CCDC178: variants seen among roughly 807,000 people sequenced by gnomAD.
The protein encoded by CCDC178 is coiled-coil domain-containing protein 178.
Under a neutral mutation model 117.4 loss-of-function variants are expected in CCDC178, and 126 were observed. The ratio of observed to expected loss-of-function variants is 1.07; its 90% confidence interval spans 0.93 to 1.24. The LOEUF (loss-of-function observed/expected upper bound fraction) is 1.24, where lower values mean the gene tolerates loss of function less well. Among genes scored for constraint, CCDC178 ranks in the 50% most tolerant of loss-of-function variants. CCDC178 has a pLI of 0.00. For missense variants in CCDC178, 1,030 were observed against 986.9 expected, an observed-to-expected ratio of 1.04 and a Z score of -0.59; for synonymous variants, 283 against 313.4, an observed-to-expected ratio of 0.90 and a Z score of 1.02.
chr18:33,328,629 G>A (rs1287596063), intron 10 of CCDC178, among the ~76,000 whole-genome samples: 1 of 152,036 alleles, frequency 6.6e-6, no homozygotes, highest in Non-Finnish European at 1.5e-5. Context: ...AGATGTATAT[G>A]TTTATTTCTG....
At chr18:33,220,493 T>C (rs1199122991) in intron 18 of CCDC178, among the ~76,000 whole-genome samples, 5 of 151,986 alleles carry the variant, frequency 3.3e-5, no homozygotes, top group Non-Finnish European at 7.4e-5. Context: ...AGAAATTACA[T>C]GAGATTTTAC....
intron 21 of CCDC178, among the ~76,000 whole-genome samples, chr18:32,980,562 C>A (rs1199849475): frequency 2.3e-5 from 2 of 86,862 alleles, no homozygotes; most frequent in African/African-American, 9.3e-5. Flanking sequence ...CAGAACGAGA[C>A]TCCGTCTCAA....
At chr18:33,076,048 T>G (rs1247765391) in intron 21 of CCDC178, among the ~76,000 whole-genome samples, 2 of 152,248 alleles carry the variant, frequency 1.3e-5, no homozygotes, top group African/African-American at 4.8e-5. Flanking sequence ...TTATGTTCCC[T>G]TTGTAGGCAC....
intron 15 of CCDC178, among the ~76,000 whole-genome samples, chr18:33,234,496 C>T (rs112102404): frequency 1.6e-4 from 24 of 152,098 alleles, no homozygotes; most frequent in African/African-American, 4.6e-4. Context: ...ATCCTAGAAA[C>T]GTTCAGCATA....
chr18:33,148,304 A>T (rs2058297247), intron 20 of CCDC178, among the ~76,000 whole-genome samples: 1 of 152,176 alleles, frequency 6.6e-6, no homozygotes, highest in South Asian at 2.1e-4. Context: ...CGTGCCTGCA[A>T]TCCCAGGCAC....
At chr18:33,295,777 A>T (rs924630858) in intron 11 of CCDC178, among the ~76,000 whole-genome samples, 11 of 152,176 alleles carry the variant, frequency 7.2e-5, no homozygotes, top group African/African-American at 9.6e-5. Context: ...AAATTTTTTT[A>T]AAAAAATAGT....
chr18:33,314,501 A>G (rs1172713813), intron 11 of CCDC178, among the ~76,000 whole-genome samples: 1 of 152,178 alleles, frequency 6.6e-6, no homozygotes, highest in Non-Finnish European at 1.5e-5. Context: ...TAGTTCCACA[A>G]AGAAAAATAA....
intron 14 of CCDC178, among the ~76,000 whole-genome samples, chr18:33,245,727 C>T (rs1412878505): frequency 6.6e-6 from 1 of 151,858 alleles, no homozygotes; most frequent in Non-Finnish European, 1.5e-5. Flanking sequence ...TTCTATACTC[C>T]TTTCCATTTC....
intron 22 of CCDC178, among the ~76,000 whole-genome samples, chr18:32,962,047 T>C (rs1462799045): frequency 6.6e-6 from 1 of 151,924 alleles, no homozygotes; most frequent in Non-Finnish European, 1.5e-5. Context: ...CATGTTAATC[T>C]GATCATTGGC....
chr18:33,250,220 C>A (rs552334964), intron 14 of CCDC178, among the ~76,000 whole-genome samples: 2 of 151,666 alleles, frequency 1.3e-5, no homozygotes, highest in African/African-American at 4.8e-5. Context: ...ACTAAGGCAC[C>A]AGATAACTAT....
chr18:33,030,522 AAGATAGATAGATAGAT>A (rs61043322), intron 21 of CCDC178, among the ~76,000 whole-genome samples: 49 of 140,876 alleles, frequency 3.5e-4, no homozygotes, highest in African/African-American at 1.2e-3. Flanking sequence ...GAACTGATAG[AAGATAGATAGATAGAT>A]AGATAGATAG....
At chr18:33,225,579 A>G (rs1198287638) in intron 16 of CCDC178, among the ~76,000 whole-genome samples, 2 of 152,224 alleles carry the variant, frequency 1.3e-5, no homozygotes, top group Admixed American at 6.5e-5. Context: ...GTCAAAATCA[A>G]TCATTCTTAA....
chr18:33,042,126 T>C (rs1445840641), intron 21 of CCDC178, among the ~76,000 whole-genome samples: 1 of 151,894 alleles, frequency 6.6e-6, no homozygotes, highest in Non-Finnish European at 1.5e-5. Flanking sequence ...GAACAAGACA[T>C]TCACATGACA....
intron 20 of CCDC178, among the ~76,000 whole-genome samples, chr18:33,146,832 G>A (rs1198752109): frequency 6.6e-6 from 1 of 152,184 alleles, no homozygotes; most frequent in African/African-American, 2.4e-5. Context: ...CTGGGTATGA[G>A]TTCAGCAAAT....
chr18:33,392,057 G>T lies in CCDC178; in HGVS notation c.119-2428C>A, dbSNP rs559372084. ...TTTTTATATTTTTAGTAGAGATGGG[G>T]TTTTGTCATGTTGGCAAGGCTGGTC... On this transcript the variant is annotated intron_variant, in intron 4 of 22. Coordinates refer to ENST00000383096, the MANE Select transcript of CCDC178 (RefSeq NM_001105528.4). Among the ~76,000 whole-genome samples, 377 of 151,894 alleles carry T rather than the reference G, an allele frequency of 2.5e-3. 2 individuals carry two copies. Among genetic ancestry groups the T allele is most frequent in the Non-Finnish European group, 4.7e-3 (316 of 67,938 alleles).
At chr18:33,370,001 G>C in intron 6 of CCDC178, 49 bp downstream of exon 6, 2 of 1,457,524 alleles carry the variant, frequency 1.4e-6, no homozygotes, top group Non-Finnish European at 1.8e-6. Context: ...AATCCTTAGA[G>C]GGTCGATAAA....
intron 21 of CCDC178, among the ~76,000 whole-genome samples, chr18:33,072,722 T>C (rs2057130637): frequency 6.6e-6 from 1 of 152,222 alleles, no homozygotes; most frequent in African/African-American, 2.4e-5. Context: ...CAATTCTTTC[T>C]TTCAACATTG....
chr18:33,221,302 G>C (rs1366601554), intron 18 of CCDC178, among the ~76,000 whole-genome samples: 1 of 152,046 alleles, frequency 6.6e-6, no homozygotes, highest in Non-Finnish European at 1.5e-5. Context: ...TCTAACAGTC[G>C]AGTTTGGGCT....
chr18:33,325,877 G>T (rs2062578023), intron 10 of CCDC178, among the ~76,000 whole-genome samples: 1 of 152,186 alleles, frequency 6.6e-6, no homozygotes, highest in South Asian at 2.1e-4. Context: ...AAGTTAAAGT[G>T]TACAATTCAG....
Sources: gnomAD v4.1 joint callset for allele counts (sites outside exome capture counted in the v4.1 genomes callset) on GRCh38, gnomAD v4.1.1 for gene constraint, MANE v1.5 for transcripts, NCBI Gene and HGNC (gene_info 2026-07-23, HGNC 2026-07-21) for gene names.